The following NDUFB9 variants were observed in gnomAD, a reference collection of about 807,000 sequenced individuals.
NDUFB9 encodes NADH:ubiquinone oxidoreductase subunit B9, also known as NADH dehydrogenase [ubiquinone] 1 beta subcomplex subunit 9.
Under a neutral mutation model 30.2 loss-of-function variants are expected in NDUFB9, and 24 were observed. That is an observed-to-expected ratio of 0.80 (90% confidence interval 0.58 to 1.12). The LOEUF (loss-of-function observed/expected upper bound fraction) is 1.12, where lower values mean the gene tolerates loss of function less well. Among genes scored for constraint, NDUFB9 ranks in the 50% most tolerant of loss-of-function variants. The pLI, the probability that NDUFB9 is intolerant of heterozygous loss-of-function variation, is 0.00. For synonymous variants in NDUFB9, 80 were observed against 84.0 expected (o/e 0.95, Z 0.26); for missense variants, 204 against 226.0 (o/e 0.90, Z 0.62).
At position 124,539,135 on chromosome 8, in the gene NDUFB9, C is replaced by G. The variant is rs1333208374; in HGVS notation, c.-52C>G. 2.5e-6 allele frequency: 4 copies of G among 1,613,102 alleles called. No homozygotes were observed. The highest frequency in any genetic ancestry group is 2.2e-5 in the East Asian group (1 of 44,872). The stretch of plus-strand genomic sequence containing the variant: ...GCTGGCCCCGCTCAGTCACCCGCAG[C>G]AGGCGTGCAGTTTCCCGGCTCTCCG... On this transcript the variant is annotated 5_prime_UTR_variant, in exon 1 of 4. Coordinates refer to ENST00000276689, the MANE Select transcript of NDUFB9 (RefSeq NM_005005.3).
chr8:124,542,918 G>T (rs1047773709), intron 1 of NDUFB9, 169 bp from the exon 2 acceptor site: 4 of 633,484 alleles, frequency 6.3e-6, no homozygotes, highest in Non-Finnish European at 1.1e-5. Flanking sequence ...GCTGCTGTTT[G>T]GTGGGCTGTA....
At chr8:124,540,969 A>G (rs1232176851) in intron 1 of NDUFB9, among the ~76,000 whole-genome samples, 1 of 152,104 alleles carries the variant, frequency 6.6e-6, no homozygotes, top group African/African-American at 2.4e-5. Flanking sequence ...CAGGAGTTCA[A>G]CAGCCTGGCC....
At chr8:124,549,681 C>G in intron 3 of NDUFB9, 80 bp from the exon 4 acceptor site, 1 of 1,353,454 alleles carries the variant, frequency 7.4e-7, no homozygotes, top group East Asian at 2.3e-5. Flanking sequence ...AGACATAAAG[C>G]TGACCCTTCA....
chr8:124,540,157 G>C (rs1821885221), intron 1 of NDUFB9, among the ~76,000 whole-genome samples: 1 of 152,214 alleles, frequency 6.6e-6, no homozygotes, highest in East Asian at 1.9e-4. Context: ...TCGAAGCCCA[G>C]ATTGCATATA....
chr8:124,541,783 T>C (rs1315068086), intron 1 of NDUFB9, among the ~76,000 whole-genome samples: 1 of 152,022 alleles, frequency 6.6e-6, no homozygotes, highest in Non-Finnish European at 1.5e-5. Context: ...TTTGTATTTT[T>C]AGTAGAGACG....
chr8:124,546,482 G>A (rs990031955), intron 2 of NDUFB9, among the ~76,000 whole-genome samples: 4 of 152,156 alleles, frequency 2.6e-5, no homozygotes, highest in Non-Finnish European at 5.9e-5. Context: ...ATATTGCAGC[G>A]GTCTGGAACC....
At chr8:124,549,596 A>C (rs1341216542) in intron 3 of NDUFB9, among the ~76,000 whole-genome samples, 165 bp from the exon 4 acceptor site, 3 of 152,326 alleles carry the variant, frequency 2.0e-5, no homozygotes, top group East Asian at 1.9e-4. Flanking sequence ...GTGGATATGA[A>C]AATAAAGCAG....
At chr8:124,547,968 G>C (rs539444588) in intron 3 of NDUFB9, among the ~76,000 whole-genome samples, 54 of 151,780 alleles carry the variant, frequency 3.6e-4, no homozygotes, top group African/African-American at 1.2e-3. Context: ...CTGGGCGACA[G>C]AGCAAGACTC....
intron 1 of NDUFB9, among the ~76,000 whole-genome samples, chr8:124,540,183 A>C (rs1821886901): frequency 6.6e-6 from 1 of 152,232 alleles, no homozygotes; most frequent in African/African-American, 2.4e-5. Context: ...CTATTAGAAA[A>C]TCACTGACAT....
rs767043717 is a variant in NDUFB9 at position 124,549,954 on chromosome 8, C to T, written c.*62C>T. 8 of 1,611,266 alleles carry T rather than the reference C, an allele frequency of 5.0e-6. No homozygotes were observed. The East Asian group carries it at 1.6e-4, about 31-fold the overall frequency. On this transcript the variant is annotated 3_prime_UTR_variant, in exon 4 of 4. Transcript: ENST00000276689. ...AATATGTTACAGAACATGCACTTGCCCTAATAAAAAATCAGTGAAATGGTC... is the reference window on the plus strand; with the variant it reads ...AATATGTTACAGAACATGCACTTGCTCTAATAAAAAATCAGTGAAATGGTC...
At chr8:124,546,389 T>C (rs1822160189) in intron 2 of NDUFB9, among the ~76,000 whole-genome samples, 1 of 152,214 alleles carries the variant, frequency 6.6e-6, no homozygotes. Context: ...TGTTGGACAC[T>C]TTATAGTATA....
intron 1 of NDUFB9, among the ~76,000 whole-genome samples, chr8:124,541,677 C>G (rs1433855658): frequency 6.6e-6 from 1 of 151,810 alleles, no homozygotes; most frequent in Non-Finnish European, 1.5e-5. Flanking sequence ...GATCTTGGCT[C>G]ACCGCAAGTT....
At chr8:124,548,014 TG>T (rs1204301915) in intron 3 of NDUFB9, among the ~76,000 whole-genome samples, 2 of 151,934 alleles carry the variant, frequency 1.3e-5, no homozygotes, top group Admixed American at 1.3e-4. Flanking sequence ...GAATGGTTTC[TG>T]GGTTTTAAGC....
chr8:124,540,605 T>C (rs953239465), intron 1 of NDUFB9, among the ~76,000 whole-genome samples: 9 of 152,226 alleles, frequency 5.9e-5, no homozygotes, highest in Non-Finnish European at 1.2e-4. Context: ...CAAGCAATAC[T>C]GAACTATAGC....
intron 2 of NDUFB9, 130 bp downstream of exon 2, chr8:124,543,409 G>A: frequency 1.1e-6 from 1 of 874,024 alleles, no homozygotes; most frequent in Non-Finnish European, 1.8e-6. Flanking sequence ...GTTGTCAGAT[G>A]CAGGCCTACC....
intron 2 of NDUFB9, among the ~76,000 whole-genome samples, chr8:124,543,678 CA>C (rs1298558817): frequency 6.6e-6 from 1 of 152,088 alleles, no homozygotes; most frequent in Non-Finnish European, 1.5e-5. Context: ...TTTTGGGGCA[CA>C]AAAAAACCAT....
Position 124,543,283 on chromosome 8 carries a change from G to C in NDUFB9, c.294+4G>C. On this transcript the variant is annotated splice_donor_region_variant and intron_variant, in intron 2 of 3. Transcript: ENST00000276689. ...TGAGAGATACGATTGCTACAAGGTAGGTGAGAATTATGATGACTGCCTTCT... is the reference window on the plus strand; with the variant it reads ...TGAGAGATACGATTGCTACAAGGTACGTGAGAATTATGATGACTGCCTTCT... 1 of 1,612,414 alleles carries C rather than the reference G, an allele frequency of 6.2e-7. No homozygotes were observed. The highest frequency in any genetic ancestry group is 2.2e-5 in the East Asian group (1 of 44,874).
intron 3 of NDUFB9, 81 bp downstream of exon 3, chr8:124,547,194 TCCAG>T: frequency 9.8e-7 from 1 of 1,025,620 alleles, no homozygotes; most frequent in Non-Finnish European, 1.5e-6. Context: ...AGGTCCAGAT[TCCAG>T]CCATGACAGT....
chr8:124,542,861 A>T, intron 1 of NDUFB9: 2 of 325,130 alleles, frequency 6.2e-6, no homozygotes, highest in Non-Finnish European at 1.1e-5. Context: ...TGGATGTAAG[A>T]GGAGAAAAAT....
Sources: gnomAD v4.1 joint callset for allele counts (sites outside exome capture counted in the v4.1 genomes callset) on GRCh38, gnomAD v4.1.1 for gene constraint, MANE v1.5 for transcripts, NCBI Gene and HGNC (gene_info 2026-07-23, HGNC 2026-07-21) for gene names.